The following COL14A1 variants were observed in gnomAD, a reference collection of about 807,000 sequenced individuals.
The protein encoded by COL14A1 is collagen type XIV alpha 1 chain, also known as collagen alpha-1(XIV) chain.
COL14A1 carries 136 observed loss-of-function variants against 230.3 expected under a neutral mutation model. The observed-to-expected ratio is 0.59, with a 90% CI of 0.51 to 0.68. The LOEUF is 0.68. Among genes scored for constraint, COL14A1 ranks in the 30% least tolerant of loss-of-function variants. The probability of loss-of-function intolerance (pLI) is 0.00; values close to 1 mark genes in which losing one functional copy is unlikely to be tolerated. For synonymous variants in COL14A1, 792 were observed against 784.1 expected, an observed-to-expected ratio of 1.01 and a Z score of -0.17; for missense variants, 1,976 against 2,215.8, an observed-to-expected ratio of 0.89 and a Z score of 2.17.
At chr8:120,229,262 T>G (rs1415497554) in intron 18 of COL14A1, among the ~76,000 whole-genome samples, 15 of 47,452 alleles carry the variant, frequency 3.2e-4, no homozygotes, top group African/African-American at 1.1e-3. Flanking sequence ...CCCTCCCCCC[T>G]CCCCCCACCC....
intron 1 of COL14A1, among the ~76,000 whole-genome samples, chr8:120,138,891 A>C (rs1586708904): frequency 6.6e-6 from 1 of 152,192 alleles, no homozygotes; most frequent in East Asian, 1.9e-4. Context: ...GTTGACTGTA[A>C]AATTCTCTTT....
rs1178040467 is a variant in COL14A1 at position 120,372,330 on chromosome 8, T to G, written c.*1099T>G. The stretch of plus-strand genomic sequence containing the variant: ...AAATAAATGTTTATCAATAGTTGAC[T>G]GAGGAGCCCACCTATCTTCTGATAT... On this transcript the variant is annotated 3_prime_UTR_variant, in exon 48 of 48. Transcript: ENST00000297848. 6.6e-6 allele frequency among the ~76,000 whole-genome samples: 1 copy of G among 152,224 alleles called. No homozygotes were observed. Among genetic ancestry groups the G allele is most frequent in the African/African-American group, 2.4e-5 (1 of 41,456 alleles).
chr8:120,263,068 C>T, intron 24 of COL14A1, 54 bp downstream of exon 24: 2 of 1,498,064 alleles, frequency 1.3e-6, no homozygotes, highest in Non-Finnish European at 1.8e-6. Context: ...AACAGAATTT[C>T]AGGCATCCTG....
chr8:120,353,954 C>T (rs1413268061), intron 45 of COL14A1, among the ~76,000 whole-genome samples: 12 of 142,424 alleles, frequency 8.4e-5, no homozygotes, highest in Admixed American at 2.2e-4. Flanking sequence ...ATGTTTATTG[C>T]GGCATTATTC....
intron 26 of COL14A1, among the ~76,000 whole-genome samples, chr8:120,272,069 AG>A (rs1819683762): frequency 6.6e-6 from 1 of 151,652 alleles, no homozygotes; most frequent in Admixed American, 6.6e-5. Flanking sequence ...TGTGGGCACA[AG>A]AAGTACCGTA....
intron 42 of COL14A1, among the ~76,000 whole-genome samples, chr8:120,336,457 G>A (rs922393049): frequency 3.9e-5 from 6 of 152,204 alleles, no homozygotes; most frequent in South Asian, 2.1e-4. Context: ...GTTCCATCAC[G>A]ACTACTGCAG....
rs16893772 is a variant in COL14A1, at chr8:120,260,612, A to G, written c.2870-2256A>G. Reference sequence around the variant, plus strand: ...GGCTTTGATTAAACAAATGCAATTTATGGATAAGATGATCAATCTAGAGGG... The same window carrying G: ...GGCTTTGATTAAACAAATGCAATTTGTGGATAAGATGATCAATCTAGAGGG... On this transcript the variant is annotated intron_variant, in intron 23 of 47. Transcript: ENST00000297848. 2.6e-3 allele frequency among the ~76,000 whole-genome samples: 394 copies of G among 152,326 alleles called. 2 individuals carry two copies. Among genetic ancestry groups the G allele is most frequent in the African/African-American group, 8.7e-3 (361 of 41,586 alleles).
intron 28 of COL14A1, among the ~76,000 whole-genome samples, chr8:120,279,489 C>A (rs550388966): frequency 1.1e-4 from 17 of 150,188 alleles, no homozygotes; most frequent in Non-Finnish European, 1.6e-4. Context: ...ATTTACTTGC[C>A]AAGCATTGAA....
intron 32 of COL14A1, among the ~76,000 whole-genome samples, chr8:120,285,463 CAAAAAAAAA>C (rs1218052645): frequency 4.6e-5 from 3 of 64,996 alleles, no homozygotes; most frequent in Non-Finnish European, 8.3e-5. Context: ...GACTCCATCT[CAAAAAAAAA>C]AAAAAAAAAA....
chr8:120,302,913 C>A (rs1434626491), intron 36 of COL14A1, among the ~76,000 whole-genome samples: 1 of 152,124 alleles, frequency 6.6e-6, no homozygotes, highest in Non-Finnish European at 1.5e-5. Context: ...TCTCTGATTT[C>A]TTTGAGCAGT....
intron 19 of COL14A1, among the ~76,000 whole-genome samples, chr8:120,240,324 T>A (rs35932543): frequency 0.49 from 75,130 of 151,820 alleles, 19,369 homozygotes; most frequent in African/African-American, 0.63. Flanking sequence ...GGGACTCACC[T>A]GAGGGTTCTT....
intron 45 of COL14A1, among the ~76,000 whole-genome samples, chr8:120,353,698 C>G (rs2130330247): frequency 6.7e-6 from 1 of 150,142 alleles, no homozygotes; most frequent in Admixed American, 6.6e-5. Flanking sequence ...GAGATACCAT[C>G]TCACACCAGT....
rs564855463 is a variant in COL14A1, at chr8:120,367,232, C to T, written c.5139C>T (p.Gly1713=). 5.3e-4 allele frequency: 848 copies of T among 1,611,160 alleles called. 12 individuals carry two copies. The South Asian group carries it at 8.9e-3, about 17-fold the overall frequency. ...GCGTTGGAACCCAAGGTCCAAGAGG[C>T]CCCCCTGGACCAGCAGGTAAATCTT... is the stretch of plus-strand genomic sequence containing the variant. ...NPGVGTQGPR[G]PPGPAGPSGE... The change falls in exon 46 of 48, where the codon GGC becomes GGT. Residue 1713 remains glycine (G), a synonymous_variant. Transcript: ENST00000297848.
At chr8:120,293,920 C>T (rs1378694020) in intron 34 of COL14A1, among the ~76,000 whole-genome samples, 4 of 151,786 alleles carry the variant, frequency 2.6e-5, no homozygotes, top group Non-Finnish European at 5.9e-5. Flanking sequence ...CCCTTAAATT[C>T]AATAAATTGA....
intron 34 of COL14A1, among the ~76,000 whole-genome samples, chr8:120,294,342 A>G (rs1007762382): frequency 1.3e-5 from 2 of 151,762 alleles, no homozygotes; most frequent in East Asian, 3.8e-4. Flanking sequence ...AATGTCTAAC[A>G]ATGAAAAATG....
chr8:120,133,072 C>T (rs1167614580), intron 1 of COL14A1, among the ~76,000 whole-genome samples: 2 of 151,902 alleles, frequency 1.3e-5, no homozygotes, highest in African/African-American at 4.8e-5. Flanking sequence ...AAAAATTAGC[C>T]AGGCATGGTG....
intron 26 of COL14A1, chr8:120,277,592 A>G (rs903839869): frequency 6.6e-6 from 1 of 152,092 alleles, no homozygotes; most frequent in Non-Finnish European, 1.5e-5. Flanking sequence ...AAAGAACAAA[A>G]TCATGTTCTT....
At chr8:120,238,064 C>CCCAT (rs1302198304) in intron 19 of COL14A1, among the ~76,000 whole-genome samples, 1 of 152,126 alleles carries the variant, frequency 6.6e-6, no homozygotes, top group Non-Finnish European at 1.5e-5. Flanking sequence ...CTGGTGTCTC[C>CCCAT]CCATCAGGAG....
chr8:120,369,440 C>G lies in COL14A1; in HGVS notation c.5266C>G (p.Pro1756Ala). The change falls in exon 47 of 48, where the codon CCT (proline) becomes GCT (alanine). Residue 1756 changes from proline to alanine, a missense_variant. Pro to Ala is a conservative substitution (Grantham distance 27). Transcript: ENST00000297848. ...TGGACCCCAAGGTCCTTCTGGCCAG[C>G]CTGGATATTGTGACCCCTCATCATG... is the stretch of plus-strand genomic sequence containing the variant. Reference protein sequence around the residue: ...VPGPQGPSGQPGYCDPSSCSA... With the variant: ...VPGPQGPSGQAGYCDPSSCSA... 1 of 1,609,432 alleles carries G rather than the reference C, an allele frequency of 6.2e-7. No homozygotes were observed. Among genetic ancestry groups the G allele is most frequent in the Non-Finnish European group, 8.5e-7 (1 of 1,177,848 alleles).
Sources: allele counts gnomAD v4.1 joint callset (sites outside exome capture counted in the v4.1 genomes callset), GRCh38; gene constraint gnomAD v4.1.1; transcripts MANE v1.5; gene names NCBI Gene and HGNC (gene_info 2026-07-23, HGNC 2026-07-21).